The following UVRAG variants were observed in gnomAD, a reference collection of about 807,000 sequenced individuals.
The protein encoded by UVRAG is UV radiation resistance associated, also known as UV radiation resistance-associated gene protein.
Under a neutral mutation model 78.0 loss-of-function variants are expected in UVRAG, and 19 were observed. The ratio of observed to expected loss-of-function variants is 0.24; its 90% CI spans 0.17 to 0.36. UVRAG has a LOEUF of 0.36. Ranked by LOEUF, UVRAG falls within the 10% of genes least tolerant of loss-of-function variation. The pLI is 1.00. For synonymous variants in UVRAG, 323 were observed against 324.6 expected, an observed-to-expected ratio of 1.00 and a Z score of 0.05; for missense variants, 740 against 853.8, an observed-to-expected ratio of 0.87 and a Z score of 1.66.
At chr11:76,122,116 AAC>A (rs1221282115) in intron 14 of UVRAG, among the ~76,000 whole-genome samples, 1 of 152,220 alleles carries the variant, frequency 6.6e-6, no homozygotes, top group African/African-American at 2.4e-5. Flanking sequence ...GTGAAATAGG[AAC>A]AAAACAACAT....
chr11:75,933,157 G>T (rs1948279841), intron 6 of UVRAG, among the ~76,000 whole-genome samples: 1 of 152,122 alleles, frequency 6.6e-6, no homozygotes, highest in African/African-American at 2.4e-5. Context: ...CCTAAAAGCA[G>T]ACACATAGAC....
intron 8 of UVRAG, among the ~76,000 whole-genome samples, chr11:75,998,152 C>A (rs554122341): frequency 5.3e-5 from 8 of 152,268 alleles, no homozygotes; most frequent in Admixed American, 2.0e-4. Flanking sequence ...AGCATATATA[C>A]CCAGAAGGAA....
intron 3 of UVRAG, among the ~76,000 whole-genome samples, chr11:75,875,357 A>G (rs1946743805): frequency 6.6e-6 from 1 of 152,110 alleles, no homozygotes; most frequent in Non-Finnish European, 1.5e-5. Flanking sequence ...TGATTTGTGA[A>G]GAGTATTTTC....
At chr11:76,089,776 CGATTTCTTCT>C (rs1951661603) in intron 13 of UVRAG, among the ~76,000 whole-genome samples, 1 of 152,092 alleles carries the variant, frequency 6.6e-6, no homozygotes, top group African/African-American at 2.4e-5. Context: ...GGATTTTGTT[CGATTTCTTCT>C]GATTTCTTCA....
At chr11:75,989,224 T>A (rs1949558727) in intron 8 of UVRAG, among the ~76,000 whole-genome samples, 2 of 152,032 alleles carry the variant, frequency 1.3e-5, no homozygotes, top group African/African-American at 4.8e-5. Context: ...CTGGGTAATT[T>A]TTGAATTTTT....
At chr11:75,859,254 C>T (rs1946364792) in intron 2 of UVRAG, among the ~76,000 whole-genome samples, 1 of 151,826 alleles carries the variant, frequency 6.6e-6, no homozygotes, top group African/African-American at 2.4e-5. Context: ...TGTGCACCTG[C>T]AATCCCAGCT....
At position 75,888,834 on chromosome 11, in the gene UVRAG, T is replaced by C. The variant is rs751023052; in HGVS notation, c.438T>C (p.His146=). 2 of 1,613,366 alleles carry C rather than the reference T, an allele frequency of 1.2e-6. No individual in the cohort carries two copies. The highest frequency in any genetic ancestry group is 2.2e-5 in the South Asian group (2 of 90,912). The stretch of plus-strand genomic sequence containing the variant: ...GTATTTTCCTCCTCTCTTAGATTCA[T>C]GCCCGAAACCAAAATGAAATAATTT... The part of the protein sequence containing the change: ...DGLKYLGQQI[H]ARNQNEIIFG... The change falls in exon 5 of 15, where the codon CAT becomes CAC. Residue 146 remains histidine, a synonymous_variant. Coordinates refer to ENST00000356136, the MANE Select transcript of UVRAG (RefSeq NM_003369.4).
At chr11:75,860,875 T>C (rs535221950) in intron 2 of UVRAG, among the ~76,000 whole-genome samples, 1 of 152,040 alleles carries the variant, frequency 6.6e-6, no homozygotes, top group South Asian at 2.1e-4. Context: ...AGCCTCTGTC[T>C]CCTGGGTTCA....
In UVRAG at chr11:75,851,847, T is replaced by G. The variant is rs905591463; in HGVS notation, c.118-36T>G. 3.2e-6 allele frequency: 5 copies of G among 1,547,582 alleles called. No individual in the cohort carries two copies. The African/African-American group carries it at 6.9e-5, about 21-fold the overall frequency. ...CCAGAAAATTTTATAGGAGGAAAAA[T>G]CTGAATGCCTTCTCTTTTTTGTTGT... On this transcript the variant is annotated intron_variant, in intron 1 of 14. Coordinates refer to ENST00000356136, the MANE Select transcript of UVRAG (RefSeq NM_003369.4).
At chr11:75,995,139 A>G (rs1419894484) in intron 8 of UVRAG, among the ~76,000 whole-genome samples, 1 of 151,652 alleles carries the variant, frequency 6.6e-6, no homozygotes, top group Admixed American at 6.6e-5. Context: ...TATTATTATA[A>G]GTTTAATGCT....
intron 5 of UVRAG, among the ~76,000 whole-genome samples, chr11:75,905,409 C>T (rs1947592658): frequency 6.6e-6 from 1 of 152,164 alleles, no homozygotes; most frequent in Admixed American, 6.5e-5. Context: ...TCATAATCCC[C>T]AAATTAAACT....
At chr11:76,103,762 C>T (rs1951923380) in intron 13 of UVRAG, among the ~76,000 whole-genome samples, 1 of 151,912 alleles carries the variant, frequency 6.6e-6, no homozygotes, top group Non-Finnish European at 1.5e-5. Flanking sequence ...ATTTAAGGCA[C>T]CTCATTACCA....
intron 5 of UVRAG, among the ~76,000 whole-genome samples, chr11:75,905,900 C>G (rs753091679): frequency 6.6e-6 from 1 of 151,002 alleles, no homozygotes; most frequent in South Asian, 2.1e-4. Flanking sequence ...TTTTTTTTAC[C>G]GTGGCTGACC....
At chr11:75,849,331 C>T (rs1187279016) in intron 1 of UVRAG, among the ~76,000 whole-genome samples, 3 of 151,776 alleles carry the variant, frequency 2.0e-5, no homozygotes, top group Admixed American at 6.6e-5. Flanking sequence ...CAGTGAAACC[C>T]CCTCTCTACT....
intron 1 of UVRAG, among the ~76,000 whole-genome samples, chr11:75,837,287 A>T (rs1247775136): frequency 1.7e-4 from 25 of 146,804 alleles, no homozygotes; most frequent in African/African-American, 6.2e-4. Flanking sequence ...AGATCACGCC[A>T]CTGCACTCCG....
intron 1 of UVRAG, among the ~76,000 whole-genome samples, chr11:75,817,333 C>G (rs1776408230): frequency 6.6e-6 from 1 of 152,164 alleles, no homozygotes; most frequent in Admixed American, 6.5e-5. Flanking sequence ...AGCCTATTCT[C>G]TGATAACAGT....
rs184583309 is a variant in UVRAG, at chr11:75,886,710, C to T, written c.433-2119C>T. Among the ~76,000 whole-genome samples, 746 of 152,262 alleles carry T rather than the reference C, an allele frequency of 4.9e-3. 4 individuals are homozygous for T. Among genetic ancestry groups the T allele is most frequent in the African/African-American group, 0.016 (682 of 41,538 alleles). ...TGATAGAGGTAGGAGATACAGAAGT[C>T]AGGGAAGTGTTCACAGGAATCTTCT... On this transcript the variant is annotated intron_variant, in intron 4 of 14. Coordinates refer to ENST00000356136, the MANE Select transcript of UVRAG (RefSeq NM_003369.4).
At chr11:76,076,283 A>G (rs369420504) in intron 13 of UVRAG, among the ~76,000 whole-genome samples, 31 of 152,326 alleles carry the variant, frequency 2.0e-4, no homozygotes, top group African/African-American at 7.2e-4. Flanking sequence ...TAATTTATAA[A>G]GGAAAGAGGC....
At chr11:75,937,213 C>A (rs1429375007) in intron 6 of UVRAG, among the ~76,000 whole-genome samples, 3 of 152,114 alleles carry the variant, frequency 2.0e-5, no homozygotes, top group Non-Finnish European at 4.4e-5. Flanking sequence ...ACTAAAAATA[C>A]AAAAATTAAC....
Sources: gnomAD v4.1 joint callset for allele counts (sites outside exome capture counted in the v4.1 genomes callset) on GRCh38, gnomAD v4.1.1 for gene constraint, MANE v1.5 for transcripts, NCBI Gene and HGNC (gene_info 2026-07-23, HGNC 2026-07-21) for gene names.